The following RBFOX1 variants were observed in gnomAD, a reference collection of about 807,000 sequenced individuals.
The protein encoded by RBFOX1 is RNA binding fox-1 homolog 1.
RBFOX1 carries 8 observed loss-of-function variants against 57.7 expected under a neutral mutation model. The observed-to-expected ratio is 0.14, with a 90% CI of 0.08 to 0.25. The LOEUF (loss-of-function observed/expected upper bound fraction) is 0.25, where lower values mean the gene tolerates loss of function less well. Among genes scored for constraint, RBFOX1 ranks in the 10% least tolerant of loss-of-function variants. The pLI is 1.00. For synonymous variants in RBFOX1, 326 were observed against 222.4 expected (o/e 1.47, Z -4.15); for missense variants, 611 against 548.5 (o/e 1.11, Z -1.14).
At chr16:6,632,564 A>G (rs1602087742) in intron 2 of RBFOX1, among the ~76,000 whole-genome samples, 1 of 152,172 alleles carries the variant, frequency 6.6e-6, no homozygotes, top group East Asian at 1.9e-4. Flanking sequence ...ACCAATGTTG[A>G]TGGATTTCAG....
intron 3 of RBFOX1, among the ~76,000 whole-genome samples, chr16:6,666,152 A>T (rs1024789227): frequency 7.9e-5 from 12 of 152,160 alleles, no homozygotes; most frequent in Non-Finnish European, 1.6e-4. Flanking sequence ...CTGTGAGTCT[A>T]TTAAACCTTT....
chr16:5,382,308 T>C (rs933274965), intron 1 of RBFOX1, among the ~76,000 whole-genome samples: 3 of 152,236 alleles, frequency 2.0e-5, no homozygotes, highest in South Asian at 2.1e-4. Flanking sequence ...TCAACTGTTA[T>C]TCTGCTCTTT....
intron 2 of RBFOX1, among the ~76,000 whole-genome samples, chr16:5,540,530 G>C (rs767566648): frequency 6.6e-6 from 1 of 152,120 alleles, no homozygotes; most frequent in East Asian, 1.9e-4. Flanking sequence ...TGAAAGAGTT[G>C]GTTTAGTATA....
At chr16:7,632,145 A>G (rs1596931637) in intron 11 of RBFOX1, among the ~76,000 whole-genome samples, 1 of 152,104 alleles carries the variant, frequency 6.6e-6, no homozygotes, top group Non-Finnish European at 1.5e-5. Flanking sequence ...CTGACCTCAG[A>G]TGATCCATCC....
intron 11 of RBFOX1, among the ~76,000 whole-genome samples, chr16:7,649,386 T>G (rs918874442): frequency 2.6e-5 from 4 of 152,236 alleles, no homozygotes; most frequent in African/African-American, 4.8e-5. Flanking sequence ...AAAGTCTGGG[T>G]CTGTTTAGTA....
intron 3 of RBFOX1, among the ~76,000 whole-genome samples, chr16:5,787,350 G>A (rs1340079254): frequency 6.6e-6 from 1 of 152,126 alleles, no homozygotes; most frequent in Non-Finnish European, 1.5e-5. Context: ...TTAGACAGAA[G>A]ACCAATGATG....
At chr16:7,613,124 C>T (rs890972414) in intron 10 of RBFOX1, among the ~76,000 whole-genome samples, 2 of 152,102 alleles carry the variant, frequency 1.3e-5, no homozygotes, top group African/African-American at 4.8e-5. Flanking sequence ...TAAGGAGATG[C>T]AGAGTAGATC....
intron 1 of RBFOX1, chr16:5,366,014 G>A: frequency 4.0e-6 from 2 of 497,140 alleles, no homozygotes; most frequent in South Asian, 1.5e-5. Flanking sequence ...TCCAATTAAA[G>A]TAACACTGGC....
chr16:5,993,806 G>A (rs1379293446), intron 4 of RBFOX1, among the ~76,000 whole-genome samples: 2 of 152,118 alleles, frequency 1.3e-5, no homozygotes. Flanking sequence ...TCATATGGCC[G>A]AATGGTTCGT....
chr16:6,687,191 T>C (rs1378608083), intron 3 of RBFOX1, among the ~76,000 whole-genome samples: 1 of 152,114 alleles, frequency 6.6e-6, no homozygotes, highest in Non-Finnish European at 1.5e-5. Flanking sequence ...TAACATCAGG[T>C]AGTAAATACC....
intron 4 of RBFOX1, among the ~76,000 whole-genome samples, chr16:7,190,682 A>T (rs545810026): frequency 1.3e-5 from 2 of 151,834 alleles, no homozygotes; most frequent in Non-Finnish European, 2.9e-5. Flanking sequence ...CTCCCCAGAA[A>T]TCAGTGCCAT....
At chr16:7,546,986 C>G (rs190722124) in intron 5 of RBFOX1, among the ~76,000 whole-genome samples, 97 of 152,074 alleles carry the variant, frequency 6.4e-4, no homozygotes, top group African/African-American at 2.1e-3. Flanking sequence ...AAAACAAAAT[C>G]ACCCTCTAGA....
chr16:6,858,205 G>T (rs945945885), intron 3 of RBFOX1, among the ~76,000 whole-genome samples: 2 of 152,182 alleles, frequency 1.3e-5, no homozygotes, highest in East Asian at 3.9e-4. Context: ...TCAAAGTGTT[G>T]TTGGTAAACG....
At chr16:6,896,675 A>G (rs1271698557) in intron 3 of RBFOX1, among the ~76,000 whole-genome samples, 3 of 152,186 alleles carry the variant, frequency 2.0e-5, no homozygotes, top group South Asian at 2.1e-4. Context: ...TCAACGCCAT[A>G]TAAGTGCTGC....
chr16:7,095,488 T>A (rs967718836), intron 4 of RBFOX1, among the ~76,000 whole-genome samples: 10 of 152,188 alleles, frequency 6.6e-5, no homozygotes, highest in African/African-American at 2.4e-4. Context: ...ACATGCTTAA[T>A]TTTTATCTGT....
At chr16:6,916,837 T>G (rs562481146) in intron 3 of RBFOX1, among the ~76,000 whole-genome samples, 2 of 152,132 alleles carry the variant, frequency 1.3e-5, no homozygotes, top group African/African-American at 2.4e-5. Flanking sequence ...CTTGTTTTTT[T>G]ATTTGTTTGT....
At chr16:6,687,249 C>A (rs968370678) in intron 3 of RBFOX1, among the ~76,000 whole-genome samples, 1 of 151,964 alleles carries the variant, frequency 6.6e-6, no homozygotes, top group African/African-American at 2.4e-5. Context: ...TCTGCAGAGG[C>A]ACACAGAGTG....
At chr16:5,443,666 T>A (rs1197739463) in intron 1 of RBFOX1, among the ~76,000 whole-genome samples, 1 of 152,176 alleles carries the variant, frequency 6.6e-6, no homozygotes, top group Non-Finnish European at 1.5e-5. Context: ...CACTCTAATT[T>A]TTATGCCTCC....
intron 3 of RBFOX1, among the ~76,000 whole-genome samples, chr16:5,760,826 G>C (rs1050227981): frequency 6.6e-6 from 1 of 152,182 alleles, no homozygotes; most frequent in African/African-American, 2.4e-5. Context: ...TAGGTTGGTC[G>C]TTACTGGGAG....
Sources: gnomAD v4.1 joint callset for allele counts (sites outside exome capture counted in the v4.1 genomes callset) on GRCh38, gnomAD v4.1.1 for gene constraint, MANE v1.5 for transcripts, NCBI Gene and HGNC (gene_info 2026-07-23, HGNC 2026-07-21) for gene names.